The following EP400 variants were observed in gnomAD, a reference collection of about 807,000 sequenced individuals.
EP400 encodes E1A binding protein p400, also known as E1A-binding protein p400.
Under a neutral mutation model 354.1 loss-of-function variants are expected in EP400, and 105 were observed. That is an observed-to-expected ratio of 0.30 (90% CI 0.25 to 0.35). The LOEUF (loss-of-function observed/expected upper bound fraction) is 0.35, where lower values mean the gene tolerates loss of function less well. Ranked by LOEUF, EP400 falls within the 10% of genes least tolerant of loss-of-function variation. The pLI is 1.00. For synonymous variants in EP400, 1,646 were observed against 1,716.9 expected (o/e 0.96, Z 1.02); for missense variants, 3,280 against 4,121.0 (o/e 0.80, Z 5.59).
rs758149524 is a variant in EP400 at position 132,062,665 on chromosome 12, C to A, written c.8298C>A (p.Ser2766=). The change falls in exon 47 of 53, where the codon TCC becomes TCA. Residue 2766 remains serine, a synonymous_variant. Transcript: ENST00000389561. The stretch of plus-strand genomic sequence containing the variant: ...CACAGATCCAGGGCCAGGCCCAGTC[C>A]CCAGCACAGATCAAAGCTGTGGGCA... The part of the protein sequence containing the change: ...QVPQIQGQAQ[S]PAQIKAVGKL... 1.9e-6 allele frequency: 3 copies of A among 1,614,128 alleles called. No homozygotes were observed.
At chr12:132,061,388 A>C (rs1895689624) in intron 45 of EP400, among the ~76,000 whole-genome samples, 1 of 152,256 alleles carries the variant, frequency 6.6e-6, no homozygotes, top group Non-Finnish European at 1.5e-5. Context: ...CTAGATTTCC[A>C]TCCAAATGCG....
At chr12:132,031,487 A>G (rs1198416675) in intron 29 of EP400, 1 of 454,076 alleles carries the variant, frequency 2.2e-6, no homozygotes, top group East Asian at 5.7e-5. Context: ...GCTGGAATAC[A>G]GTGCGGGGAC....
rs760203933 is a variant in EP400, at chr12:131,982,427, C to T, written c.1878C>T (p.Pro626=). 9 of 1,613,998 alleles carry T rather than the reference C, an allele frequency of 5.6e-6. No homozygotes were observed. The highest frequency in any genetic ancestry group is 2.2e-5 in the East Asian group (1 of 44,888). The change falls in exon 5 of 53, where the codon CCC becomes CCT. Residue 626 remains proline, a synonymous_variant. Coordinates refer to ENST00000389561, the MANE Select transcript of EP400 (RefSeq NM_015409.5). ...SQPAQLALHV[P]TPGKVQVQAS... ...CTGCACAGCTGGCCCTCCACGTTCC[C>T]ACACCTGGAAAGGTGCAGGTGCAGG...
intron 30 of EP400, 71 bp from the exon 31 acceptor site, chr12:132,037,611 C>T (rs1248475428): frequency 5.0e-6 from 6 of 1,208,700 alleles, no homozygotes; most frequent in Non-Finnish European, 7.4e-6. Context: ...TCACCATCTG[C>T]ATGCTGTGCC....
Position 132,025,794 on chromosome 12 carries a change from G to C in EP400, c.5004G>C (p.Leu1668Phe). 6.2e-7 allele frequency: 1 copy of C among 1,602,948 alleles called. No homozygotes were observed. Among genetic ancestry groups the C allele is most frequent in the Non-Finnish European group, 8.5e-7 (1 of 1,176,032 alleles). ...CCGGCGGTCCCAGCCCTGCACCCTT[G>C]ACCCCACAAGGTAGGGTGCTCTGAG... Reference protein sequence around the residue: ...PPAGGPSPAPLTPQVGVPGRV... With the variant: ...PPAGGPSPAPFTPQVGVPGRV... The change falls in exon 25 of 53, where the codon TTG becomes TTC. Residue 1668 changes from leucine to phenylalanine, a missense_variant. Transcript: ENST00000389561. This position sits in a 1 kb window ranked among gnomAD's most constrained non-coding sequence, Gnocchi z 4.1.
chr12:131,963,396 T>C, intron 2 of EP400: 2 of 654,134 alleles, frequency 3.1e-6, no homozygotes, highest in Non-Finnish European at 5.4e-6. Context: ...TCAGTATCCT[T>C]TCACAGGAAT....
chr12:131,967,599 A>C (rs1410427950), intron 2 of EP400, among the ~76,000 whole-genome samples: 1 of 151,670 alleles, frequency 6.6e-6, no homozygotes, highest in East Asian at 1.9e-4. Flanking sequence ...CTGAGGCAGG[A>C]AAATCTCTTG....
chr12:131,979,725 G>A lies in EP400; in HGVS notation c.1367G>A (p.Gly456Glu). 6.2e-7 allele frequency: 1 copy of A among 1,609,122 alleles called. No homozygotes were observed. Among genetic ancestry groups the A allele is most frequent in the East Asian group, 2.3e-5 (1 of 44,376 alleles). Reference protein sequence around the residue: ...QQALAGSLVAGAGSTVETDLF... With the variant: ...QQALAGSLVAEAGSTVETDLF... ...GCCCTCGCAGGGAGCCTGGTAGCAG[G>A]GGCCGGAAGCACAGTAGAGACGGAC... Residue 456 changes from glycine (G) to glutamate (E), a missense_variant, in exon 3 of 53, where the codon GGG (glycine) becomes GAG (glutamate). Coordinates refer to ENST00000389561, the MANE Select transcript of EP400 (RefSeq NM_015409.5).
chr12:131,987,361 C>G (rs1019889489), intron 6 of EP400, among the ~76,000 whole-genome samples: 3 of 152,204 alleles, frequency 2.0e-5, no homozygotes, highest in African/African-American at 7.2e-5. Context: ...TCCAGATTAT[C>G]TAGAAGCAAA....
chr12:132,025,841 A>G lies in EP400; in HGVS notation c.5014+37A>G, dbSNP rs751272244. On this transcript the variant is annotated intron_variant, in intron 25 of 52. Coordinates refer to ENST00000389561, the MANE Select transcript of EP400 (RefSeq NM_015409.5). This position sits in a 1 kb window ranked among gnomAD's most constrained non-coding sequence, Gnocchi z 4.1. ...TGAGCAGGAGGGAGACTTGGCTTGG[A>G]TGCTTCTTTCTCTTCCATCTAAGGC... 5.2e-6 allele frequency: 8 copies of G among 1,535,330 alleles called. No individual in the cohort carries two copies. The highest frequency in any genetic ancestry group is 5.0e-5 in the South Asian group (4 of 80,260).
At chr12:131,972,646 G>A (rs748787085) in intron 2 of EP400, among the ~76,000 whole-genome samples, 10 of 149,048 alleles carry the variant, frequency 6.7e-5, no homozygotes, top group Admixed American at 6.7e-4. Flanking sequence ...AAAAAGAACC[G>A]TTCTAAGCAG....
chr12:131,999,630 G>A (rs1212123213), intron 12 of EP400, among the ~76,000 whole-genome samples: 1 of 151,946 alleles, frequency 6.6e-6, no homozygotes, highest in Non-Finnish European at 1.5e-5. Context: ...GTAGAGATAG[G>A]GTTTTACCGT....
chr12:131,993,287 A>G (rs1413570215), intron 11 of EP400, among the ~76,000 whole-genome samples: 2 of 152,154 alleles, frequency 1.3e-5, no homozygotes, highest in South Asian at 4.1e-4. Context: ...AGCCTCCCAA[A>G]GTGCTAGGAT....
intron 16 of EP400, among the ~76,000 whole-genome samples, chr12:132,012,462 C>G (rs1267850859): frequency 6.6e-6 from 1 of 152,172 alleles, no homozygotes; most frequent in Non-Finnish European, 1.5e-5. Flanking sequence ...CAAGCTGGTT[C>G]CCTCCAGCCC....
chr12:132,003,786 G>A (rs923408761), intron 12 of EP400, among the ~76,000 whole-genome samples: 20 of 152,160 alleles, frequency 1.3e-4, no homozygotes, highest in African/African-American at 4.6e-4. Context: ...CTTTCACTGG[G>A]CTCCATTAGG....
At position 132,017,497 on chromosome 12, in the gene EP400, T is replaced by C. The variant is rs747517869; in HGVS notation, c.3924-38T>C. 6.2e-6 allele frequency: 10 copies of C among 1,606,562 alleles called. 1 individual carries two copies. The South Asian group carries it at 1.1e-4, about 18-fold the overall frequency. On this transcript the variant is annotated intron_variant, in intron 19 of 52. Coordinates refer to ENST00000389561, the MANE Select transcript of EP400 (RefSeq NM_015409.5). The surrounding 1 kb of genome is among the most constrained non-coding windows in gnomAD (Gnocchi z 5.0). The stretch of plus-strand genomic sequence containing the variant: ...GGGTGGGACTATGTCCATGTGCCGT[T>C]TGGATTGAATGCTTCGTGTTTCTTT...
In EP400 at chr12:132,050,669, C is replaced by T. The variant is rs374089971; in HGVS notation, c.7394+14C>T. ...GTTGGCAGAAAGGTATTTCTCTATT[C>T]GTGACACATTTGTTACTGTTTGGAA... On this transcript the variant is annotated intron_variant, in intron 41 of 52. Transcript: ENST00000389561. The surrounding 1 kb of genome is among the most constrained non-coding windows in gnomAD (Gnocchi z 4.8). The T allele has an allele frequency of 4.0e-5, 65 of 1,614,018 alleles. No homozygotes were observed. The highest frequency in any genetic ancestry group is 3.3e-4 in the Middle Eastern group (2 of 6,084).
chr12:132,034,782 C>T (rs1377836471), intron 30 of EP400, among the ~76,000 whole-genome samples: 1 of 152,068 alleles, frequency 6.6e-6, no homozygotes, highest in Non-Finnish European at 1.5e-5. Context: ...ATGGCGGAGT[C>T]CAGAGGGATG....
At position 132,025,850 on chromosome 12, in the gene EP400, T is replaced by A; in HGVS notation, c.5014+46T>A. 6.6e-7 allele frequency: 1 copy of A among 1,522,254 alleles called. No homozygotes were observed. Among genetic ancestry groups the A allele is most frequent in the Non-Finnish European group, 8.8e-7 (1 of 1,138,628 alleles). 94.3% of individuals were successfully genotyped at this position (1,522,254 alleles called of 1,614,324 possible). On this transcript the variant is annotated intron_variant, in intron 25 of 52. Coordinates refer to ENST00000389561, the MANE Select transcript of EP400 (RefSeq NM_015409.5). This position sits in a 1 kb window ranked among gnomAD's most constrained non-coding sequence, Gnocchi z 4.1. ...GGGAGACTTGGCTTGGATGCTTCTTTCTCTTCCATCTAAGGCGAGTGGAAA... is the reference window on the plus strand; with the variant it reads ...GGGAGACTTGGCTTGGATGCTTCTTACTCTTCCATCTAAGGCGAGTGGAAA...
Sources: allele counts gnomAD v4.1 joint callset (sites outside exome capture counted in the v4.1 genomes callset), GRCh38; gene constraint gnomAD v4.1.1; non-coding constraint Gnocchi (gnomAD v3.1); transcripts MANE v1.5; gene names NCBI Gene and HGNC (gene_info 2026-07-23, HGNC 2026-07-21).